Variants in MBTD1 observed in about 807,000 individuals in gnomAD.
MBTD1 encodes the protein MBT domain-containing protein 1.
Under a neutral mutation model 87.8 loss-of-function variants are expected in MBTD1, and 24 were observed. That is an observed-to-expected ratio of 0.27 (90% CI 0.20 to 0.38). The LOEUF (loss-of-function observed/expected upper bound fraction) is 0.38. Among genes scored for constraint, MBTD1 ranks in the 10% least tolerant of loss-of-function variants. The pLI is 1.00. For missense variants in MBTD1, 436 were observed against 760.2 expected (o/e 0.57, Z 5.02); for synonymous variants, 237 against 248.6 (o/e 0.95, Z 0.44).
At chr17:51,243,003 G>C (rs1002983871) in intron 2 of MBTD1, among the ~76,000 whole-genome samples, 1 of 152,240 alleles carries the variant, frequency 6.6e-6, no homozygotes, top group Non-Finnish European at 1.5e-5. Flanking sequence ...AGTTTTCAAT[G>C]TTTTGCAATT....
intron 2 of MBTD1, among the ~76,000 whole-genome samples, chr17:51,230,940 TA>T (rs1360550918): frequency 9.9e-5 from 15 of 151,404 alleles, no homozygotes; most frequent in African/African-American, 3.7e-4. Flanking sequence ...TCTATACTCA[TA>T]GTTTTTTTTG....
intron 3 of MBTD1, among the ~76,000 whole-genome samples, chr17:51,222,628 G>A (rs549366741): frequency 6.6e-6 from 1 of 151,638 alleles, no homozygotes; most frequent in South Asian, 2.1e-4. Flanking sequence ...GAACTCCTGA[G>A]CTTAGGCAAT....
intron 2 of MBTD1, among the ~76,000 whole-genome samples, chr17:51,230,586 A>G (rs998902397): frequency 6.6e-6 from 1 of 152,180 alleles, no homozygotes; most frequent in Non-Finnish European, 1.5e-5. Flanking sequence ...CAGTGAGGTA[A>G]GACCATGAGG....
At chr17:51,260,483 C>T (rs2055410311), upstream of MBTD1, 4 of 1,331,706 alleles carry the variant, frequency 3.0e-6, no homozygotes, top group Non-Finnish European at 4.1e-6. Flanking sequence ...GCGCAGGCTC[C>T]TTCCGGCCCC....
chr17:51,230,438 A>T (rs927141202), intron 2 of MBTD1, among the ~76,000 whole-genome samples: 5 of 147,672 alleles, frequency 3.4e-5, no homozygotes, highest in Non-Finnish European at 7.4e-5. Flanking sequence ...AAGACAGAAA[A>T]GCATGCAAAG....
chr17:51,241,848 G>A (rs992766010), intron 2 of MBTD1, among the ~76,000 whole-genome samples: 1 of 152,184 alleles, frequency 6.6e-6, no homozygotes, highest in African/African-American at 2.4e-5. Flanking sequence ...TTACAGGCAT[G>A]AGCCACCATG....
intron 2 of MBTD1, among the ~76,000 whole-genome samples, chr17:51,257,269 G>T (rs77632336): frequency 0.021 from 3,267 of 152,244 alleles, 85 homozygotes; most frequent in African/African-American, 0.056. Flanking sequence ...AAGTGTGAAA[G>T]GTTATATCTT....
chr17:51,207,453 G>GA (rs2051914780), intron 6 of MBTD1, among the ~76,000 whole-genome samples: 1 of 152,140 alleles, frequency 6.6e-6, no homozygotes, highest in Non-Finnish European at 1.5e-5. Context: ...TAAGAGAAAT[G>GA]AAAATTTTCA....
At chr17:51,259,114 G>C (rs1162147206) in intron 2 of MBTD1, 29 bp downstream of exon 2, 1 of 444,428 alleles carries the variant, frequency 2.3e-6, no homozygotes, top group East Asian at 3.5e-5. Flanking sequence ...AGTGCTTTTA[G>C]GGGTGTAAGC....
chr17:51,260,352 G>A (rs1229725813), upstream of MBTD1, among the ~76,000 whole-genome samples: 2 of 152,176 alleles, frequency 1.3e-5, no homozygotes, highest in African/African-American at 4.8e-5. Context: ...CTCCAGTCAC[G>A]CCGCTTCCCC....
intron 6 of MBTD1, chr17:51,209,360 A>G: frequency 2.1e-6 from 1 of 471,128 alleles, no homozygotes; most frequent in South Asian, 1.5e-5. Flanking sequence ...CTCCCAAACA[A>G]GGAAGATCTG....
At chr17:51,222,986 C>T (rs1033291951) in intron 3 of MBTD1, among the ~76,000 whole-genome samples, 4 of 150,854 alleles carry the variant, frequency 2.7e-5, no homozygotes, top group African/African-American at 9.7e-5. Flanking sequence ...AATTTTTTTT[C>T]GCAGAGACGG....
intron 5 of MBTD1, 115 bp from the exon 6 acceptor site, chr17:51,217,531 C>T (rs1047902020): frequency 2.9e-5 from 16 of 544,560 alleles, no homozygotes; most frequent in South Asian, 8.6e-5. Flanking sequence ...ATTTAAAGAA[C>T]GTTTTCTTTA....
chr17:51,212,653 GA>G (rs11420890), intron 6 of MBTD1, among the ~76,000 whole-genome samples: 2 of 150,990 alleles, frequency 1.3e-5, no homozygotes, highest in South Asian at 2.1e-4. Context: ...CAATACCCAG[GA>G]AAAAAAAAGT....
intron 2 of MBTD1, among the ~76,000 whole-genome samples, chr17:51,252,695 C>CTGCA (rs2054859711): frequency 6.6e-6 from 1 of 151,642 alleles, no homozygotes; most frequent in Admixed American, 6.6e-5. Context: ...GATTGAGCTA[C>CTGCA]TGCACTCCAG....
intron 16 of MBTD1, chr17:51,186,154 C>G (rs1398116062): frequency 6.6e-6 from 1 of 152,658 alleles, no homozygotes; most frequent in Non-Finnish European, 1.5e-5. Flanking sequence ...CTCCTCCGCA[C>G]CCCACCTGTC....
intron 3 of MBTD1, among the ~76,000 whole-genome samples, chr17:51,220,805 G>T (rs555110609): frequency 6.6e-6 from 1 of 152,150 alleles, no homozygotes; most frequent in Admixed American, 6.5e-5. Context: ...ACAAATTCCA[G>T]CTTTTGAAAT....
intron 13 of MBTD1, among the ~76,000 whole-genome samples, chr17:51,194,030 T>C (rs895588217): frequency 3.3e-5 from 5 of 152,240 alleles, no homozygotes; most frequent in African/African-American, 1.2e-4. Flanking sequence ...AGTGGCTCTC[T>C]TTTTCTGTTT....
At position 51,200,970 on chromosome 17, in the gene MBTD1, A is replaced by G. The variant is rs368576116; in HGVS notation, c.1224+622T>C. On this transcript the variant is annotated intron_variant, in intron 12 of 16. Coordinates refer to ENST00000586178, the MANE Select transcript of MBTD1 (RefSeq NM_017643.3). ...TGAGACCAGCCTGGGCAACCTAGGG[A>G]GACCCTGTACCTACAAAAATAAAAA... 2.2e-4 allele frequency among the ~76,000 whole-genome samples: 34 copies of G among 152,202 alleles called. No homozygotes were observed. The East Asian group carries it at 5.8e-3, about 26-fold the overall frequency.
Sources: gnomAD v4.1 joint callset for allele counts (sites outside exome capture counted in the v4.1 genomes callset) on GRCh38, gnomAD v4.1.1 for gene constraint, MANE v1.5 for transcripts, NCBI Gene and HGNC (gene_info 2026-07-23, HGNC 2026-07-21) for gene names.